FAM13A: variants seen among roughly 807,000 people sequenced by gnomAD.
FAM13A encodes family with sequence similarity 13 member A.
Under a neutral mutation model 129.6 loss-of-function variants are expected in FAM13A, and 76 were observed. The observed-to-expected ratio is 0.59, with a 90% CI of 0.49 to 0.71. The LOEUF (loss-of-function observed/expected upper bound fraction) is 0.71, where lower values mean the gene tolerates loss of function less well. FAM13A is among the 30% of genes least tolerant of loss of function. The probability of loss-of-function intolerance (pLI) is 0.00; values close to 1 mark genes in which losing one functional copy is unlikely to be tolerated. For synonymous variants in FAM13A, 443 were observed against 449.9 expected, an observed-to-expected ratio of 0.98 and a Z score of 0.20; for missense variants, 1,108 against 1,249.3, an observed-to-expected ratio of 0.89 and a Z score of 1.70.
chr4:88,834,737 T>C (rs185694510), intron 7 of FAM13A, among the ~76,000 whole-genome samples: 158 of 152,270 alleles, frequency 1.0e-3, no homozygotes, highest in African/African-American at 3.6e-3. Flanking sequence ...GGAAATAATA[T>C]CATCCTAGAC....
At chr4:88,812,375 C>T (rs978205257) in intron 7 of FAM13A, among the ~76,000 whole-genome samples, 2 of 152,098 alleles carry the variant, frequency 1.3e-5, no homozygotes, top group African/African-American at 2.4e-5. Context: ...CACACTAGTT[C>T]GTCCTTAGCC....
At chr4:89,007,418 G>T (rs766547321) in intron 3 of FAM13A, among the ~76,000 whole-genome samples, 2 of 152,142 alleles carry the variant, frequency 1.3e-5, no homozygotes, top group Non-Finnish European at 2.9e-5. Flanking sequence ...CCAAGACCGA[G>T]CATTAAATTG....
intron 4 of FAM13A, among the ~76,000 whole-genome samples, chr4:88,955,727 A>G (rs1757647259): frequency 6.6e-6 from 1 of 152,198 alleles, no homozygotes; most frequent in African/African-American, 2.4e-5. Flanking sequence ...GAAGTGGGAC[A>G]AAGGTGACTC....
intron 5 of FAM13A, among the ~76,000 whole-genome samples, chr4:88,933,051 C>A (rs1417022302): frequency 1.3e-5 from 2 of 152,062 alleles, no homozygotes; most frequent in African/African-American, 4.8e-5. Flanking sequence ...GAAGATTTCC[C>A]AGTCCAATGA....
intron 14 of FAM13A, among the ~76,000 whole-genome samples, chr4:88,751,587 G>A (rs10428273): frequency 0.096 from 13,887 of 144,844 alleles, 784 homozygotes; most frequent in African/African-American, 0.16. Context: ...GGACAAATCT[G>A]TACAAATCAG....
At chr4:88,841,501 A>C (rs1172511493) in intron 7 of FAM13A, among the ~76,000 whole-genome samples, 1 of 149,496 alleles carries the variant, frequency 6.7e-6, no homozygotes, top group Non-Finnish European at 1.5e-5. Context: ...CTCAAAAAAA[A>C]AAAAAAAAAA....
intron 3 of FAM13A, among the ~76,000 whole-genome samples, chr4:89,004,920 C>A (rs994757755): frequency 6.6e-6 from 1 of 151,402 alleles, no homozygotes; most frequent in Admixed American, 6.6e-5. Context: ...TTTTTTTTAA[C>A]TTTTATTTTA....
intron 5 of FAM13A, among the ~76,000 whole-genome samples, chr4:88,924,814 G>C (rs1293401541): frequency 6.6e-6 from 1 of 150,720 alleles, no homozygotes; most frequent in African/African-American, 2.4e-5. Flanking sequence ...ATCTGACAAA[G>C]GGCTAATATC....
At chr4:88,969,838 A>G (rs1190379771) in intron 4 of FAM13A, among the ~76,000 whole-genome samples, 1 of 152,262 alleles carries the variant, frequency 6.6e-6, no homozygotes, top group East Asian at 1.9e-4. Flanking sequence ...AGTGAATGCC[A>G]GAGCCTGGAC....
At chr4:88,795,178 A>C (rs1332250797) in intron 8 of FAM13A, among the ~76,000 whole-genome samples, 1 of 151,802 alleles carries the variant, frequency 6.6e-6, no homozygotes, top group Non-Finnish European at 1.5e-5. Flanking sequence ...TTGGTTTAAA[A>C]TTGCATACTG....
chr4:88,781,868 A>T (rs574396631), intron 10 of FAM13A, among the ~76,000 whole-genome samples: 84 of 151,564 alleles, frequency 5.5e-4, no homozygotes, highest in Non-Finnish European at 9.1e-4. Flanking sequence ...GAGGGATAGC[A>T]TTAGGAGATA....
At chr4:88,729,503 A>G (rs569175330) in intron 23 of FAM13A, 69 of 152,286 alleles carry the variant, frequency 4.5e-4, no homozygotes, top group African/African-American at 1.6e-3. Flanking sequence ...TTGTTCAATG[A>G]CCTAAAAATA....
intron 7 of FAM13A, chr4:88,823,028 A>C: frequency 6.8e-6 from 11 of 1,613,578 alleles, no homozygotes; most frequent in Non-Finnish European, 9.3e-6. Flanking sequence ...TTTGCAAGGG[A>C]ATCTCACAAC....
At chr4:88,865,311 T>A (rs1447230276) in intron 6 of FAM13A, among the ~76,000 whole-genome samples, 1 of 152,200 alleles carries the variant, frequency 6.6e-6, no homozygotes, top group Non-Finnish European at 1.5e-5. Context: ...TTAAGCATAG[T>A]GTTGGTCAGT....
intron 7 of FAM13A, chr4:88,823,085 T>C (rs972015793): frequency 1.3e-6 from 2 of 1,597,386 alleles, no homozygotes; most frequent in African/African-American, 2.7e-5. Flanking sequence ...GAACGTCTTC[T>C]TACAGTGGCT....
At chr4:88,784,714 T>C (rs961327542) in intron 10 of FAM13A, among the ~76,000 whole-genome samples, 1 of 152,180 alleles carries the variant, frequency 6.6e-6, no homozygotes, top group African/African-American at 2.4e-5. Flanking sequence ...AGATTGAAAA[T>C]CATTTTCACT....
rs1760666765 is a variant in FAM13A at position 88,974,732 on chromosome 4, G to A, written c.605+16241C>T. On this transcript the variant is annotated intron_variant, in intron 4 of 23. Transcript: ENST00000264344. ...AACTAGTTAAGAAGTTATCAAAGAG[G>A]GGAAACTAGTTAAGAAGTTATCAAA... 2.6e-5 allele frequency among the ~76,000 whole-genome samples: 4 copies of A among 152,084 alleles called. No individual in the cohort carries two copies. The South Asian group carries it at 8.3e-4, about 32-fold the overall frequency.
At chr4:88,974,564 G>A (rs992026745) in intron 4 of FAM13A, among the ~76,000 whole-genome samples, 1 of 151,906 alleles carries the variant, frequency 6.6e-6, no homozygotes, top group African/African-American at 2.4e-5. Context: ...TGCAACCTCC[G>A]CCTCCTGGGT....
chr4:88,960,395 A>G (rs75866151), intron 4 of FAM13A, among the ~76,000 whole-genome samples: 9,314 of 152,236 alleles, frequency 0.061, 408 homozygotes, highest in South Asian at 0.23. Context: ...TATGAGGAAA[A>G]CTGATGATTA....
Sources: gnomAD v4.1 joint callset for allele counts (sites outside exome capture counted in the v4.1 genomes callset) on GRCh38, gnomAD v4.1.1 for gene constraint, MANE v1.5 for transcripts, NCBI Gene and HGNC (gene_info 2026-07-23, HGNC 2026-07-21) for gene names.